The following CAMK1D variants were observed in gnomAD, a reference collection of about 807,000 sequenced individuals.
CAMK1D encodes calcium/calmodulin dependent protein kinase ID.
Under a neutral mutation model 47.7 loss-of-function variants are expected in CAMK1D, and 9 were observed. The ratio of observed to expected loss-of-function variants is 0.19; its 90% confidence interval spans 0.11 to 0.33. The LOEUF (loss-of-function observed/expected upper bound fraction) is 0.33, where lower values mean the gene tolerates loss of function less well. Among genes scored for constraint, CAMK1D ranks in the 10% least tolerant of loss-of-function variants. The pLI is 1.00. For synonymous variants in CAMK1D, 184 were observed against 184.9 expected (o/e 0.99, Z 0.04); for missense variants, 291 against 488.7 (o/e 0.60, Z 3.81).
chr10:12,618,278 G>A (rs770208173), intron 2 of CAMK1D, among the ~76,000 whole-genome samples: 27 of 152,110 alleles, frequency 1.8e-4, no homozygotes, highest in Non-Finnish European at 3.4e-4. Context: ...GTGCATGTGT[G>A]TGTGAATGTT....
chr10:12,688,714 C>T (rs1045454339), intron 3 of CAMK1D, among the ~76,000 whole-genome samples: 13 of 151,980 alleles, frequency 8.6e-5, no homozygotes, highest in Admixed American at 2.0e-4. Flanking sequence ...GACAGAGTTT[C>T]GCTCTTGTCG....
At chr10:12,767,790 T>C (rs1836841189) in intron 4 of CAMK1D, among the ~76,000 whole-genome samples, 1 of 152,252 alleles carries the variant, frequency 6.6e-6, no homozygotes, top group Non-Finnish European at 1.5e-5. Flanking sequence ...CGCTTTAGTC[T>C]GGCTCAGTGA....
intron 5 of CAMK1D, among the ~76,000 whole-genome samples, chr10:12,785,736 G>A (rs1837696488): frequency 6.6e-6 from 1 of 152,182 alleles, no homozygotes; most frequent in Non-Finnish European, 1.5e-5. Flanking sequence ...TGGCCGGTTC[G>A]GCTGGTTCTC....
At chr10:12,589,109 C>T (rs1376853022) in intron 2 of CAMK1D, among the ~76,000 whole-genome samples, 3 of 152,046 alleles carry the variant, frequency 2.0e-5, no homozygotes, top group Non-Finnish European at 4.4e-5. Flanking sequence ...TTAAGCCATC[C>T]TCCTGTCTCC....
chr10:12,659,565 C>A (rs943910010), intron 2 of CAMK1D, among the ~76,000 whole-genome samples: 2 of 152,150 alleles, frequency 1.3e-5, no homozygotes, highest in Non-Finnish European at 2.9e-5. Flanking sequence ...GACAATATCC[C>A]AATTTTCTCA....
chr10:12,606,986 C>A (rs760549759), intron 2 of CAMK1D, among the ~76,000 whole-genome samples: 1 of 152,076 alleles, frequency 6.6e-6, no homozygotes, highest in Non-Finnish European at 1.5e-5. Flanking sequence ...CACCACCATA[C>A]CCCGCTAATT....
At chr10:12,655,570 G>T (rs1840094762) in intron 2 of CAMK1D, among the ~76,000 whole-genome samples, 1 of 152,164 alleles carries the variant, frequency 6.6e-6, no homozygotes, top group Non-Finnish European at 1.5e-5. Context: ...AGAATTAATT[G>T]TTCATTCATT....
intron 1 of CAMK1D, among the ~76,000 whole-genome samples, chr10:12,466,784 G>A (rs1270934871): frequency 1.3e-5 from 2 of 152,016 alleles, no homozygotes; most frequent in African/African-American, 2.4e-5. Flanking sequence ...TCTTGGGAAC[G>A]TTTTTTATGG....
At chr10:12,805,331 A>G (rs1192233513) in intron 6 of CAMK1D, among the ~76,000 whole-genome samples, 1 of 150,626 alleles carries the variant, frequency 6.6e-6, no homozygotes, top group Non-Finnish European at 1.5e-5. Flanking sequence ...GGTAAACATT[A>G]TAATCATGAT....
chr10:12,508,078 A>C (rs905544489), intron 1 of CAMK1D, among the ~76,000 whole-genome samples: 5 of 152,168 alleles, frequency 3.3e-5, no homozygotes, highest in African/African-American at 9.7e-5. Flanking sequence ...GAGCATCCCG[A>C]GACACTTGGA....
chr10:12,771,742 TCCAGTGCATGGCCAGGTGCAGTGGCTCAC>T (rs1171959430), intron 5 of CAMK1D, among the ~76,000 whole-genome samples: 1 of 152,088 alleles, frequency 6.6e-6, no homozygotes, highest in Non-Finnish European at 1.5e-5. Flanking sequence ...TTTTGAAAGG[TCCAGTGCATGGCCAGGTGCAGTGGCTCAC>T]GCCTGTAATC....
At chr10:12,366,719 G>C (rs80100450) in intron 1 of CAMK1D, among the ~76,000 whole-genome samples, 1 of 151,936 alleles carries the variant, frequency 6.6e-6, no homozygotes, top group African/African-American at 2.4e-5. Context: ...GTCATTCTGC[G>C]GGGTGGGTGG....
chr10:12,699,080 C>T (rs1415090942), intron 3 of CAMK1D, among the ~76,000 whole-genome samples: 1 of 152,052 alleles, frequency 6.6e-6, no homozygotes, highest in African/African-American at 2.4e-5. Flanking sequence ...CCCCAAATTG[C>T]CCTTGTGTGA....
chr10:12,504,454 C>G (rs927812559), intron 1 of CAMK1D, among the ~76,000 whole-genome samples: 1 of 152,164 alleles, frequency 6.6e-6, no homozygotes, highest in African/African-American at 2.4e-5. Flanking sequence ...AGTGAAGTCG[C>G]CCACCCTTCC....
At chr10:12,387,913 C>T (rs1838581976) in intron 1 of CAMK1D, among the ~76,000 whole-genome samples, 1 of 152,188 alleles carries the variant, frequency 6.6e-6, no homozygotes, top group South Asian at 2.1e-4. Flanking sequence ...CCTTTCGCCC[C>T]TGCTGGCGCC....
In CAMK1D at chr10:12,376,395, C is replaced by A. The variant is rs187083352; in HGVS notation, c.92+26485C>A. On this transcript the variant is annotated intron_variant, in intron 1 of 10. Coordinates refer to ENST00000619168, the MANE Select transcript of CAMK1D (RefSeq NM_153498.4). ...TTGAACCTAGATCTGTGTGAAGAAG[C>A]TTCCGGAAGGCTGTGCTGACCGAGA... 9.9e-5 allele frequency among the ~76,000 whole-genome samples: 15 copies of A among 152,174 alleles called. No homozygotes were observed. In the East Asian group the frequency reaches 1.9e-3, roughly 20 times the overall value.
At chr10:12,507,672 C>A (rs1160014315) in intron 1 of CAMK1D, among the ~76,000 whole-genome samples, 1 of 152,104 alleles carries the variant, frequency 6.6e-6, no homozygotes, top group Non-Finnish European at 1.5e-5. Context: ...CTTGTGGTGT[C>A]CTGAGGTTTG....
intron 2 of CAMK1D, among the ~76,000 whole-genome samples, chr10:12,632,545 C>A (rs7897208): frequency 6.6e-6 from 1 of 152,070 alleles, no homozygotes; most frequent in Non-Finnish European, 1.5e-5. Flanking sequence ...CTGTTTTCTC[C>A]TATATATATT....
chr10:12,733,400 A>G (rs1184262831), intron 3 of CAMK1D, among the ~76,000 whole-genome samples: 2 of 152,198 alleles, frequency 1.3e-5, no homozygotes, highest in South Asian at 2.1e-4. Flanking sequence ...GTCATAAACA[A>G]TCTCCCAGGT....
Sources: gnomAD v4.1 joint callset for allele counts (sites outside exome capture counted in the v4.1 genomes callset) on GRCh38, gnomAD v4.1.1 for gene constraint, MANE v1.5 for transcripts, NCBI Gene and HGNC (gene_info 2026-07-23, HGNC 2026-07-21) for gene names.